The following ARHGEF4 variants were observed in gnomAD, a reference collection of about 807,000 sequenced individuals.
ARHGEF4 encodes the protein Rho guanine nucleotide exchange factor 4, also known as APC-stimulated guanine nucleotide exchange factor 1.
ARHGEF4 carries 119 observed loss-of-function variants against 162.0 expected under a neutral mutation model. That is an observed-to-expected ratio of 0.73 (90% CI 0.63 to 0.86). The LOEUF is 0.86. Ranked by LOEUF, ARHGEF4 falls within the 40% of genes least tolerant of loss-of-function variation. ARHGEF4 has a pLI of 0.00. For synonymous variants in ARHGEF4, 1,014 were observed against 979.9 expected (o/e 1.03, Z -0.65); for missense variants, 2,488 against 2,456.0 (o/e 1.01, Z -0.28).
intron 1 of ARHGEF4, among the ~76,000 whole-genome samples, chr2:130,874,041 C>T (rs533272602): frequency 6.6e-6 from 1 of 152,270 alleles, no homozygotes; most frequent in South Asian, 2.1e-4. Flanking sequence ...CAGCTCAATT[C>T]CTCAATTCAA....
In ARHGEF4 at chr2:131,028,862, G is replaced by C. The variant is rs566649269; in HGVS notation, c.4125+778G>C. On this transcript the variant is annotated intron_variant, in intron 5 of 13. Coordinates refer to ENST00000409359, the MANE Select transcript of ARHGEF4 (RefSeq NM_001367493.1). ...TTCTGCTTCATTAAAACTGGACTCTGACAACCCAGGATCTTATAGCACACA... is the reference window on the plus strand; with the variant it reads ...TTCTGCTTCATTAAAACTGGACTCTCACAACCCAGGATCTTATAGCACACA... 6.6e-5 allele frequency among the ~76,000 whole-genome samples: 10 copies of C among 152,214 alleles called. 1 individual carries two copies. In the South Asian group the frequency reaches 2.1e-3, roughly 32 times the overall value.
chr2:130,881,673 G>A (rs748967625), intron 1 of ARHGEF4, among the ~76,000 whole-genome samples: 19 of 152,090 alleles, frequency 1.2e-4, no homozygotes, highest in Non-Finnish European at 2.6e-4. Flanking sequence ...TGAATGCTTC[G>A]GGAGATGTAA....
chr2:131,041,813 A>G lies in ARHGEF4; in HGVS notation c.4896-2A>G. 2 of 1,613,000 alleles carry G rather than the reference A, an allele frequency of 1.2e-6. No homozygotes were observed. The highest frequency in any genetic ancestry group is 1.7e-6 in the Non-Finnish European group (2 of 1,179,882). ...CAGCCTTCCATCTCTGTTCTGCCCC[A>G]GGGACTTCAAGGATGTTGAAGCCGC... On this transcript the variant is annotated splice_acceptor_variant, in intron 9 of 13. Transcript: ENST00000409359. LOFTEE classifies it high-confidence loss of function.
intron 5 of ARHGEF4, among the ~76,000 whole-genome samples, chr2:131,031,966 G>A (rs1418906738): frequency 6.6e-6 from 1 of 152,310 alleles, no homozygotes; most frequent in Non-Finnish European, 1.5e-5. Context: ...CTGCCAGTGC[G>A]AGCCATGATG....
chr2:131,042,014 G>A (rs1573707871), intron 10 of ARHGEF4, 70 bp downstream of exon 10: 5 of 1,543,636 alleles, frequency 3.2e-6, no homozygotes, highest in African/African-American at 1.4e-5. Flanking sequence ...GCTTGCCCCT[G>A]AAAAATCTAG....
intron 4 of ARHGEF4, among the ~76,000 whole-genome samples, chr2:131,002,506 C>T (rs1275725606): frequency 1.3e-5 from 2 of 151,982 alleles, no homozygotes; most frequent in African/African-American, 2.4e-5. Flanking sequence ...GTCAGGAGAT[C>T]GAGACCGTCC....
At chr2:130,996,291 C>G (rs577854063) in intron 4 of ARHGEF4, among the ~76,000 whole-genome samples, 246 of 152,352 alleles carry the variant, frequency 1.6e-3, no homozygotes, top group African/African-American at 5.2e-3. Flanking sequence ...TGCCCGTTCC[C>G]TCTGTGTCCT....
At chr2:131,037,862 A>T (rs1690422763) in intron 5 of ARHGEF4, among the ~76,000 whole-genome samples, 2 of 111,920 alleles carry the variant, frequency 1.8e-5, no homozygotes, top group African/African-American at 9.2e-5. Flanking sequence ...GTAACACTGC[A>T]TAAGAGCAGT....
chr2:131,038,794 A>G, intron 5 of ARHGEF4, 59 bp from the exon 6 acceptor site: 1 of 1,532,036 alleles, frequency 6.5e-7, no homozygotes, highest in South Asian at 1.2e-5. Context: ...GGAGACAGAG[A>G]GCAGGGAGGC....
intron 3 of ARHGEF4, among the ~76,000 whole-genome samples, chr2:130,942,173 G>A (rs371297233): frequency 3.4e-4 from 45 of 131,394 alleles, no homozygotes; most frequent in Non-Finnish European, 5.1e-4. Context: ...TTTTTGAGAC[G>A]GAGTCTTGCT....
chr2:130,848,639 G>C (rs1681173346), intron 1 of ARHGEF4, among the ~76,000 whole-genome samples: 1 of 152,186 alleles, frequency 6.6e-6, no homozygotes, highest in South Asian at 2.1e-4. Flanking sequence ...GAGTGATCCT[G>C]TCTCTTCCTC....
chr2:130,874,476 A>G (rs1281790902), intron 1 of ARHGEF4, among the ~76,000 whole-genome samples: 2 of 152,206 alleles, frequency 1.3e-5, no homozygotes, highest in Non-Finnish European at 2.9e-5. Context: ...TTTCTTTCTT[A>G]CATGACAAAT....
intron 3 of ARHGEF4, among the ~76,000 whole-genome samples, chr2:130,943,271 ATT>A (rs1033617549): frequency 1.3e-5 from 2 of 151,884 alleles, no homozygotes; most frequent in Admixed American, 1.3e-4. Flanking sequence ...AGCCATTCAC[ATT>A]TTCTTTTTGA....
At chr2:130,844,384 G>A (rs1028165253) in intron 1 of ARHGEF4, among the ~76,000 whole-genome samples, 13 of 152,118 alleles carry the variant, frequency 8.5e-5, no homozygotes, top group Middle Eastern at 3.2e-3. Context: ...GGGGCGCCCT[G>A]CCTGGTGGGC....
intron 11 of ARHGEF4, 111 bp from the exon 12 acceptor site, chr2:131,044,188 G>A: frequency 6.8e-7 from 1 of 1,469,768 alleles, no homozygotes; most frequent in South Asian, 1.3e-5. Context: ...TGCTGGGGAG[G>A]TGGAGGCATC....
chr2:130,966,991 C>G lies in ARHGEF4; in HGVS notation c.3985+20356C>G, dbSNP rs576692793. Among the ~76,000 whole-genome samples, 119 of 152,218 alleles carry G rather than the reference C, an allele frequency of 7.8e-4. 1 individual carries two copies. Among genetic ancestry groups the G allele is most frequent in the Admixed American group, 7.8e-3 (119 of 15,284 alleles). On this transcript the variant is annotated intron_variant, in intron 4 of 13. Transcript: ENST00000409359. ...TCTCTCTTAAGGAAGATTAAGAGTT[C>G]CCAGTAAGGGATCGTCAGCACAGCT...
At chr2:130,848,390 A>G (rs759443383) in intron 1 of ARHGEF4, among the ~76,000 whole-genome samples, 2 of 152,206 alleles carry the variant, frequency 1.3e-5, no homozygotes, top group African/African-American at 2.4e-5. Context: ...GCTGGGTGCC[A>G]GGGAGGTCAG....
intron 2 of ARHGEF4, among the ~76,000 whole-genome samples, chr2:130,919,278 C>A (rs535216442): frequency 6.6e-6 from 1 of 152,108 alleles, no homozygotes; most frequent in South Asian, 2.1e-4. Flanking sequence ...CCTTAGATAT[C>A]GATGCTTTTA....
At position 130,915,391 on chromosome 2, in the gene ARHGEF4, C is replaced by T; in HGVS notation, c.1445C>T (p.Ala482Val). 1 of 1,550,648 alleles carries T rather than the reference C, an allele frequency of 6.4e-7. No individual in the cohort carries two copies. The highest frequency in any genetic ancestry group is 2.4e-5 in the East Asian group (1 of 40,916). ...CAAGGCACCCAACTCGCACCAAGAG[C>T]TGCTGATGAGAGAGAGACACAGAAG... ...EPQGTQLAPR[A>V]ADERETQKHL... Residue 482 changes from alanine (A) to valine (V), a missense_variant, in exon 2 of 14, where the codon GCT (alanine) becomes GTT (valine). This residue lies in a region of ARHGEF4 where 1,642 missense variants were observed against 1,481.5 expected (regional missense o/e 1.11). Coordinates refer to ENST00000409359, the MANE Select transcript of ARHGEF4 (RefSeq NM_001367493.1).
Sources: allele counts gnomAD v4.1 joint callset (sites outside exome capture counted in the v4.1 genomes callset), GRCh38; gene constraint gnomAD v4.1.1; regional missense constraint gnomAD v4.1.1; transcripts MANE v1.5; gene names NCBI Gene and HGNC (gene_info 2026-07-23, HGNC 2026-07-21).